DHX15: variants seen among roughly 807,000 people sequenced by gnomAD.
The protein encoded by DHX15 is ATP-dependent RNA helicase DHX15.
DHX15 carries 11 observed loss-of-function variants against 94.4 expected under a neutral mutation model. That is an observed-to-expected ratio of 0.12 (90% confidence interval 0.07 to 0.19). The LOEUF (loss-of-function observed/expected upper bound fraction) is 0.19. DHX15 is among the 10% of genes least tolerant of loss of function. DHX15 has a pLI of 1.00. For synonymous variants in DHX15, 338 were observed against 329.9 expected (o/e 1.02, Z -0.27); for missense variants, 304 against 988.5 (o/e 0.31, Z 9.29).
intron 12 of DHX15, chr4:24,530,044 G>GCATGA (rs1721041064): frequency 2.1e-6 from 1 of 479,082 alleles, no homozygotes. Flanking sequence ...ATTCCGTGAA[G>GCATGA]CATGAGTAGC....
intron 3 of DHX15, among the ~76,000 whole-genome samples, chr4:24,565,278 A>G (rs576540835): frequency 6.6e-6 from 1 of 152,352 alleles, no homozygotes; most frequent in South Asian, 2.1e-4. Context: ...TCAGCAAACC[A>G]AGTTAGCTTT....
intron 1 of DHX15, chr4:24,584,111 G>A (rs1465312208): frequency 5.2e-6 from 3 of 577,352 alleles, no homozygotes; most frequent in Non-Finnish European, 9.1e-6. Flanking sequence ...TCCGGACTGG[G>A]CTGGGCAGCG....
intron 6 of DHX15, among the ~76,000 whole-genome samples, chr4:24,548,260 T>C (rs148444993): frequency 0.073 from 11,066 of 151,206 alleles, 426 homozygotes; most frequent in African/African-American, 0.098. Context: ...CTCCTGCCTC[T>C]GCCTCCTGAG....
intron 11 of DHX15, chr4:24,534,295 A>G (rs937244779): frequency 5.3e-5 from 8 of 152,314 alleles, no homozygotes; most frequent in African/African-American, 1.9e-4. Flanking sequence ...AAAAATGCCC[A>G]AGCTGGACAA....
chr4:24,569,591 CAAAAAAAAAAAA>C (rs60075617), intron 3 of DHX15, among the ~76,000 whole-genome samples: 4 of 68,654 alleles, frequency 5.8e-5, no homozygotes, highest in African/African-American at 1.6e-4. Flanking sequence ...GACTCCATCT[CAAAAAAAAAAAA>C]AAAAAAAAAA....
At chr4:24,567,526 G>A (rs999325807) in intron 3 of DHX15, among the ~76,000 whole-genome samples, 9 of 150,910 alleles carry the variant, frequency 6.0e-5, no homozygotes, top group South Asian at 2.1e-4. Context: ...GCAGTGAGCC[G>A]AGATCGTGCC....
chr4:24,527,821 TAA>T lies in DHX15; in HGVS notation c.*101_*102del. ...AAAGAAAAATTAAAAAGCTTTCAAA[TAA>T]AGGCCATTATCGAACCAACGTGAAG... On this transcript the variant is annotated 3_prime_UTR_variant, in exon 14 of 14. Transcript: ENST00000336812. The T allele has an allele frequency of 1.4e-6, 1 of 695,286 alleles. No homozygotes were observed. The highest frequency in any genetic ancestry group is 2.5e-5 in the East Asian group (1 of 39,794). The allele number at this position is 695,286 out of a possible 1,614,324, so 43.1% of individuals were successfully genotyped here.
At chr4:24,557,699 A>G (rs1364069668) in intron 3 of DHX15, among the ~76,000 whole-genome samples, 1 of 152,154 alleles carries the variant, frequency 6.6e-6, no homozygotes, top group African/African-American at 2.4e-5. Context: ...TATTTTATGT[A>G]AGACCAGGAA....
At chr4:24,560,819 A>C (rs535504489) in intron 3 of DHX15, among the ~76,000 whole-genome samples, 21 of 152,262 alleles carry the variant, frequency 1.4e-4, no homozygotes, top group Non-Finnish European at 2.2e-4. Context: ...AAAGAAATAC[A>C]AATGGCTAAT....
intron 11 of DHX15, among the ~76,000 whole-genome samples, chr4:24,534,418 C>A (rs1315394760): frequency 6.6e-6 from 1 of 152,116 alleles, no homozygotes; most frequent in Non-Finnish European, 1.5e-5. Flanking sequence ...GGAAAAATTG[C>A]AAATCTAAGT....
At chr4:24,579,684 A>G (rs1386835026) in intron 1 of DHX15, among the ~76,000 whole-genome samples, 1 of 152,196 alleles carries the variant, frequency 6.6e-6, no homozygotes, top group Non-Finnish European at 1.5e-5. Context: ...TAGAGTATAG[A>G]TAGGATTAAA....
chr4:24,567,349 C>T (rs905967992), intron 3 of DHX15, among the ~76,000 whole-genome samples: 10 of 151,934 alleles, frequency 6.6e-5, no homozygotes, highest in African/African-American at 2.2e-4. Context: ...GAGGCAGAGG[C>T]GGGCGGATCA....
intron 6 of DHX15, 83 bp downstream of exon 6, chr4:24,548,772 C>T: frequency 7.6e-7 from 1 of 1,317,602 alleles, no homozygotes; most frequent in Non-Finnish European, 1.0e-6. Context: ...TCACCCATAA[C>T]TTAGTCCTTT....
At chr4:24,561,144 G>A (rs1256827941) in intron 3 of DHX15, among the ~76,000 whole-genome samples, 3 of 152,282 alleles carry the variant, frequency 2.0e-5, no homozygotes, top group East Asian at 3.9e-4. Context: ...GGATACGGAG[G>A]ACAGCAAATG....
intron 1 of DHX15, among the ~76,000 whole-genome samples, chr4:24,584,002 T>C (rs1722543776): frequency 6.6e-6 from 1 of 152,052 alleles, no homozygotes; most frequent in African/African-American, 2.4e-5. Context: ...GGCCACGAGG[T>C]CCGCGGTTCA....
chr4:24,569,591 CAAAAAAAA>C (rs60075617), intron 3 of DHX15, among the ~76,000 whole-genome samples: 30 of 68,680 alleles, frequency 4.4e-4, no homozygotes, highest in African/African-American at 1.5e-3. Flanking sequence ...GACTCCATCT[CAAAAAAAA>C]AAAAAAAAAA....
chr4:24,562,313 T>TAA (rs1721893686), intron 3 of DHX15, among the ~76,000 whole-genome samples: 1 of 152,170 alleles, frequency 6.6e-6, no homozygotes, highest in African/African-American at 2.4e-5. Context: ...TTAGATTTAC[T>TAA]GTTCTCCATA....
At chr4:24,562,885 T>C (rs1346954216) in intron 3 of DHX15, among the ~76,000 whole-genome samples, 1 of 152,138 alleles carries the variant, frequency 6.6e-6, no homozygotes, top group Non-Finnish European at 1.5e-5. Context: ...TAAAAGAGCC[T>C]AGAAACCAAG....
intron 5 of DHX15, among the ~76,000 whole-genome samples, chr4:24,551,012 T>C (rs1014778389): frequency 6.6e-6 from 1 of 152,176 alleles, no homozygotes; most frequent in African/African-American, 2.4e-5. Flanking sequence ...TCTGAGAAGT[T>C]TGTCTTGACC....
Sources: gnomAD v4.1 joint callset for allele counts (sites outside exome capture counted in the v4.1 genomes callset) on GRCh38, gnomAD v4.1.1 for gene constraint, MANE v1.5 for transcripts, NCBI Gene and HGNC (gene_info 2026-07-23, HGNC 2026-07-21) for gene names.